ACSF3: variants seen among roughly 807,000 people sequenced by gnomAD.
ACSF3 encodes the protein acyl-CoA synthetase family member 3, also known as malonate--CoA ligase ACSF3, mitochondrial.
Under a neutral mutation model 53.2 loss-of-function variants are expected in ACSF3, and 78 were observed. The observed-to-expected ratio is 1.47, with a 90% CI of 1.22 to 1.77. ACSF3 has a LOEUF of 1.77. Ranked by LOEUF, ACSF3 falls within the 40% of genes most tolerant of loss-of-function variation. The pLI, the probability that ACSF3 is intolerant of heterozygous loss-of-function variation, is 0.00. For synonymous variants in ACSF3, 414 were observed against 333.1 expected (o/e 1.24, Z -2.65); for missense variants, 937 against 771.1 (o/e 1.22, Z -2.55).
intron 8 of ACSF3, chr16:89,136,433 A>T (rs948043747): frequency 9.5e-7 from 1 of 1,050,636 alleles, no homozygotes; most frequent in African/African-American, 1.7e-5. Flanking sequence ...ACAGGCCATT[A>T]GCGATGCTGC....
intron 5 of ACSF3, chr16:89,114,002 G>C (rs1001862329): frequency 2.9e-5 from 11 of 380,822 alleles, no homozygotes; most frequent in Non-Finnish European, 5.1e-5. Context: ...GGTCACTGCT[G>C]TTCTTGAGCG....
chr16:89,145,908 C>T, intron 9 of ACSF3, 30 bp from the exon 10 acceptor site: 6 of 1,584,118 alleles, frequency 3.8e-6, no homozygotes, highest in Non-Finnish European at 5.2e-6. Flanking sequence ...GAGGCATCCC[C>T]ATGTTCTCAA....
At chr16:89,147,362 C>T (rs1308495594) in intron 10 of ACSF3, among the ~76,000 whole-genome samples, 3 of 20,008 alleles carry the variant, frequency 1.5e-4, no homozygotes, top group African/African-American at 6.7e-4. Context: ...GGGGGAGGGG[C>T]CACAGAGTGA....
chr16:89,145,374 C>T lies in ACSF3; in HGVS notation c.1474C>T (p.His492Tyr), dbSNP rs1297293187. The change falls in exon 9 of 11, where the codon CAC (histidine) becomes TAC (tyrosine). Residue 492 changes from histidine to tyrosine, a missense_variant. His to Tyr is a moderately conservative substitution (Grantham distance 83). Coordinates refer to ENST00000614302, the MANE Select transcript of ACSF3 (RefSeq NM_001243279.3). The stretch of plus-strand genomic sequence containing the variant: ...GGTCAGCGCCCTGGAGGTGGAGTGG[C>T]ACCTGCTGGCCCACCCCAGCATCAC... The part of the protein sequence containing the change: ...YKVSALEVEW[H>Y]LLAHPSITDV... 1 of 1,614,174 alleles carries T rather than the reference C, an allele frequency of 6.2e-7. No homozygotes were observed. Among genetic ancestry groups the T allele is most frequent in the Middle Eastern group, 1.7e-4 (1 of 6,056 alleles).
chr16:89,133,406 C>A, intron 8 of ACSF3, 144 bp downstream of exon 8: 1 of 1,166,850 alleles, frequency 8.6e-7, no homozygotes, highest in Non-Finnish European at 1.2e-6. Flanking sequence ...GGGCTGGGGG[C>A]CACTGTTACG....
intron 4 of ACSF3, among the ~76,000 whole-genome samples, 161 bp downstream of exon 4, chr16:89,102,920 A>G (rs991365555): frequency 6.6e-6 from 1 of 152,218 alleles, no homozygotes; most frequent in Non-Finnish European, 1.5e-5. Context: ...CCTGGTGTGC[A>G]GTCGCCCCTA....
At chr16:89,143,559 G>T (rs1188909745) in intron 8 of ACSF3, among the ~76,000 whole-genome samples, 1 of 152,176 alleles carries the variant, frequency 6.6e-6, no homozygotes, top group Non-Finnish European at 1.5e-5. Flanking sequence ...AAGATTGGTG[G>T]CTGTCTGGTC....
At chr16:89,130,964 G>A (rs1464208712) in intron 7 of ACSF3, among the ~76,000 whole-genome samples, 2 of 151,874 alleles carry the variant, frequency 1.3e-5, no homozygotes, top group Non-Finnish European at 2.9e-5. Context: ...TTTCTTCATC[G>A]TCCTGCTCCT....
Position 89,094,227 on chromosome 16 carries a change from T to C in ACSF3, c.-194+231T>C, listed in dbSNP as rs1974343775. ...CCGCGCGGGGTGCGGGGAGAGAAGC[T>C]GTGCGGACGCCGGGCCCGGTGATAC... On this transcript the variant is annotated intron_variant, in intron 1 of 10. Transcript: ENST00000614302. Among the ~76,000 whole-genome samples, 3 of 151,788 alleles carry C rather than the reference T, an allele frequency of 2.0e-5. No homozygotes were observed. In the South Asian group the frequency reaches 6.2e-4, roughly 32 times the overall value.
chr16:89,096,663 A>G (rs745703960), intron 1 of ACSF3, among the ~76,000 whole-genome samples: 1 of 152,174 alleles, frequency 6.6e-6, no homozygotes, highest in African/African-American at 2.4e-5. Flanking sequence ...ATGACCCAGC[A>G]ATGTGACTTC....
rs140398354 is a variant in ACSF3 at position 89,101,505 on chromosome 16, G to A, written c.666+158G>A. ...GTGAGATACAGGGACGCAGGCCCTCGGGGTGTGGCCGCTGGCCTCACTGGC... is the reference window on the plus strand; with the variant it reads ...GTGAGATACAGGGACGCAGGCCCTCAGGGTGTGGCCGCTGGCCTCACTGGC... On this transcript the variant is annotated intron_variant, in intron 3 of 10. Coordinates refer to ENST00000614302, the MANE Select transcript of ACSF3 (RefSeq NM_001243279.3). 4.1e-4 allele frequency among the ~76,000 whole-genome samples: 63 copies of A among 152,312 alleles called. 1 individual carries two copies. The highest frequency in any genetic ancestry group is 6.8e-3 in the Middle Eastern group (2 of 294).
chr16:89,135,094 C>T (rs1910150291), intron 8 of ACSF3, among the ~76,000 whole-genome samples: 1 of 142,372 alleles, frequency 7.0e-6, no homozygotes. Flanking sequence ...TTTTTTTGGC[C>T]TGTCTATATT....
chr16:89,105,217 C>T (rs757826159), intron 4 of ACSF3, among the ~76,000 whole-genome samples: 2 of 152,218 alleles, frequency 1.3e-5, no homozygotes, highest in Non-Finnish European at 2.9e-5. Context: ...ACACAGCAGT[C>T]TGTTAAGATG....
chr16:89,136,667 G>A, intron 8 of ACSF3: 2 of 1,287,228 alleles, frequency 1.6e-6, no homozygotes, highest in Admixed American at 2.3e-5. Context: ...GCCTCCTCCG[G>A]GTCAGGATGA....
At chr16:89,130,291 G>A (rs1237714885) in intron 7 of ACSF3, among the ~76,000 whole-genome samples, 4 of 152,088 alleles carry the variant, frequency 2.6e-5, no homozygotes, top group Non-Finnish European at 5.9e-5. Flanking sequence ...ATGATTCTTG[G>A]CTGGATGTGG....
intron 7 of ACSF3, among the ~76,000 whole-genome samples, chr16:89,126,003 T>A (rs28679527): frequency 5.7e-4 from 85 of 147,892 alleles, no homozygotes; most frequent in African/African-American, 1.8e-3. Flanking sequence ...CTCCATTTAC[T>A]TAGATCCGTG....
At chr16:89,118,058 G>A (rs1201305618) in intron 6 of ACSF3, among the ~76,000 whole-genome samples, 8 of 151,416 alleles carry the variant, frequency 5.3e-5, no homozygotes, top group African/African-American at 7.3e-5. Flanking sequence ...CAGAGCCCAC[G>A]GCAGGTTCCC....
At chr16:89,120,586 G>A (rs1410131316) in intron 6 of ACSF3, among the ~76,000 whole-genome samples, 1 of 152,244 alleles carries the variant, frequency 6.6e-6, no homozygotes, top group African/African-American at 2.4e-5. Flanking sequence ...GGCTGGGCCT[G>A]AGCACACCGT....
intron 5 of ACSF3, among the ~76,000 whole-genome samples, chr16:89,112,489 C>G (rs1336077320): frequency 3.3e-5 from 5 of 152,066 alleles, no homozygotes; most frequent in Admixed American, 3.3e-4. Flanking sequence ...CTGTATCGCT[C>G]TCTCTGTCAC....
Sources: gnomAD v4.1 joint callset for allele counts (sites outside exome capture counted in the v4.1 genomes callset) on GRCh38, gnomAD v4.1.1 for gene constraint, MANE v1.5 for transcripts, NCBI Gene and HGNC (gene_info 2026-07-23, HGNC 2026-07-21) for gene names.